The following NAV1 variants were observed in gnomAD, a reference collection of about 807,000 sequenced individuals.
The protein encoded by NAV1 is neuron navigator 1, also known as pore membrane and/or filament interacting like protein 3.
NAV1 carries 18 observed loss-of-function variants against 175.2 expected under a neutral mutation model. The observed-to-expected ratio is 0.10, with a 90% CI of 0.07 to 0.15. NAV1 has a LOEUF of 0.15. Ranked by LOEUF, NAV1 falls within the 10% of genes least tolerant of loss-of-function variation. The probability of loss-of-function intolerance (pLI) is 1.00; values close to 1 mark genes in which losing one functional copy is unlikely to be tolerated. For missense variants in NAV1, 1,731 were observed against 2,436.6 expected (o/e 0.71, Z 6.10); for synonymous variants, 897 against 978.7 (o/e 0.92, Z 1.56).
intron 1 of NAV1, among the ~76,000 whole-genome samples, chr1:201,554,046 G>A (rs1665943103): frequency 6.6e-6 from 1 of 152,172 alleles, no homozygotes; most frequent in Admixed American, 6.5e-5. Flanking sequence ...CCCCATTTCT[G>A]TGTCTTGCTG....
At chr1:201,662,444 C>T (rs1160050017) in intron 1 of NAV1, among the ~76,000 whole-genome samples, 1 of 152,212 alleles carries the variant, frequency 6.6e-6, no homozygotes, top group Admixed American at 6.5e-5. Flanking sequence ...TGGTGTCTGG[C>T]CTTGGCCTGG....
At chr1:201,649,610 C>T (rs1355464844) in intron 1 of NAV1, among the ~76,000 whole-genome samples, 185 bp downstream of exon 5, 2 of 152,352 alleles carry the variant, frequency 1.3e-5, no homozygotes, top group Non-Finnish European at 2.9e-5. Context: ...ATGCGCATGG[C>T]TCAAGTGTAC....
At chr1:201,823,823 C>T (rs1019007627) in exon 30 of NAV1, 1 of 152,192 alleles carries the variant, frequency 6.6e-6, no homozygotes, top group African/African-American at 2.4e-5. Context: ...ACAAGGGTCA[C>T]ACTACTCAGA....
intron 3 of NAV1, among the ~76,000 whole-genome samples, chr1:201,758,459 A>G (rs1441106560): frequency 2.0e-5 from 3 of 152,232 alleles, no homozygotes; most frequent in Admixed American, 1.3e-4. Flanking sequence ...CCCTTCAGAT[A>G]CTTGGAGCAT....
At position 201,812,196 on chromosome 1, in the gene NAV1, C is replaced by T. The variant is rs757245421; in HGVS notation, c.5024+222C>T. ...AGCTAAGAGAGAGCCAGGTAGGTTG[C>T]TCTAAGCAGAATTAGGATTCTCTGC... On this transcript the variant is annotated intron_variant, in intron 26 of 29. Coordinates refer to ENST00000367296, the Ensembl canonical transcript of NAV1. This position sits in a 1 kb window ranked among gnomAD's most constrained non-coding sequence, Gnocchi z 4.6. 5.9e-5 allele frequency among the ~76,000 whole-genome samples: 9 copies of T among 152,212 alleles called. No individual in the cohort carries two copies. The highest frequency in any genetic ancestry group is 7.3e-5 in the Non-Finnish European group (5 of 68,028).
At chr1:201,544,218 TA>T (rs1665602311) in intron 1 of NAV1, among the ~76,000 whole-genome samples, 2 of 152,206 alleles carry the variant, frequency 1.3e-5, no homozygotes, top group Admixed American at 1.3e-4. Context: ...CTGTCATTTT[TA>T]AAAGCTCCCT....
intron 1 of NAV1, among the ~76,000 whole-genome samples, chr1:201,567,423 T>C (rs1218334440): frequency 1.3e-5 from 2 of 152,246 alleles, no homozygotes; most frequent in Admixed American, 6.5e-5. Context: ...TCAAGAGGCT[T>C]GAGAGCTGCA....
At chr1:201,586,850 T>A (rs1305661730) in intron 1 of NAV1, among the ~76,000 whole-genome samples, 2 of 152,148 alleles carry the variant, frequency 1.3e-5, no homozygotes, top group African/African-American at 2.4e-5. Context: ...AAACACAAAT[T>A]TGGAGGGTGT....
chr1:201,785,788 C>CTTTT (rs34841837), intron 8 of NAV1, among the ~76,000 whole-genome samples: 1,954 of 99,492 alleles, frequency 0.02, 59 homozygotes, highest in East Asian at 0.024. Flanking sequence ...ACTATTGCAA[C>CTTTT]TTTTTTTTTT....
rs144357572 is a variant in NAV1, at chr1:201,542,679, G to T, written c.-144+3337G>T. Reference sequence around the variant, plus strand: ...TGACCTGCCTGTGGATGTGGTTCAGGTTCTTACACATGTCCTGTGCAGTTC... The same window carrying T: ...TGACCTGCCTGTGGATGTGGTTCAGTTTCTTACACATGTCCTGTGCAGTTC... On this transcript the variant is annotated intron_variant, in intron 1 of 33. Coordinates refer to the NAV1 transcript ENST00000685211. Among the ~76,000 whole-genome samples the T allele has an allele frequency of 2.7e-3, 415 of 152,210 alleles. 2 individuals are homozygous for T. Among genetic ancestry groups the T allele is most frequent in the Admixed American group, 4.9e-3 (75 of 15,286 alleles).
At chr1:201,647,697 T>G (rs1046973057), upstream of NAV1, among the ~76,000 whole-genome samples, 5 of 152,096 alleles carry the variant, frequency 3.3e-5, no homozygotes, top group African/African-American at 1.2e-4. Context: ...CCTCAGAGAC[T>G]GAAGTAGGGC....
At position 201,716,013 on chromosome 1, in the gene NAV1, C is replaced by G. The variant is rs552687369; in HGVS notation, c.861-2377C>G. On this transcript the variant is annotated intron_variant, in intron 2 of 29. Transcript: ENST00000367296. ...ATGTCTAGAGATGTGTTTGGGGGAA[C>G]TGAAAAAAAAAGAGAGAGCTGTGGA... 3.3e-5 allele frequency among the ~76,000 whole-genome samples: 5 copies of G among 150,694 alleles called. No individual in the cohort carries two copies. The South Asian group carries it at 1.0e-3, about 32-fold the overall frequency.
intron 1 of NAV1, among the ~76,000 whole-genome samples, chr1:201,696,525 A>G (rs1671197338): frequency 6.6e-6 from 1 of 152,164 alleles, no homozygotes; most frequent in Admixed American, 6.5e-5. Flanking sequence ...TGGCAGCCCG[A>G]TGTCTTGGAG....
At chr1:201,709,596 C>G (rs1671812056) in intron 1 of NAV1, among the ~76,000 whole-genome samples, 1 of 151,738 alleles carries the variant, frequency 6.6e-6, no homozygotes, top group African/African-American at 2.4e-5. Context: ...GGGCCCCAAC[C>G]CTCCAGACCC....
intron 1 of NAV1, among the ~76,000 whole-genome samples, chr1:201,665,779 C>G (rs770885394): frequency 2.0e-5 from 3 of 151,872 alleles, no homozygotes; most frequent in Non-Finnish European, 2.9e-5. Context: ...ACTCCCAGCC[C>G]GACAGTAAAC....
At chr1:201,797,011 G>GT (rs1025930507) in intron 15 of NAV1, 3 of 152,280 alleles carry the variant, frequency 2.0e-5, no homozygotes, top group Non-Finnish European at 4.4e-5. Context: ...CATTTATCTA[G>GT]TTTTTTCCTT....
At chr1:201,598,339 A>G (rs945357864) in intron 2 of NAV1, among the ~76,000 whole-genome samples, 2 of 152,228 alleles carry the variant, frequency 1.3e-5, no homozygotes, top group Non-Finnish European at 2.9e-5. Context: ...GAGTCTGGGA[A>G]ATAGGGAGGA....
chr1:201,591,768 T>A (rs1193129354), intron 2 of NAV1, among the ~76,000 whole-genome samples: 1 of 151,806 alleles, frequency 6.6e-6, no homozygotes, highest in South Asian at 2.1e-4. Flanking sequence ...CCCTCTTCTG[T>A]GCCCCCCAAG....
At chr1:201,817,459 G>GA (rs1354022227) in intron 29 of NAV1, among the ~76,000 whole-genome samples, 174 bp downstream of exon 33, 1 of 151,616 alleles carries the variant, frequency 6.6e-6, no homozygotes, top group East Asian at 1.9e-4. Flanking sequence ...TTTCAAAAAA[G>GA]AAAAAAATAA....
Sources: gnomAD v4.1 joint callset for allele counts (sites outside exome capture counted in the v4.1 genomes callset) on GRCh38, gnomAD v4.1.1 for gene constraint, Gnocchi (gnomAD v3.1) non-coding constraint, MANE v1.5 for transcripts, NCBI Gene and HGNC (gene_info 2026-07-23, HGNC 2026-07-21) for gene names.